The following GRM8 variants were observed in gnomAD, a reference collection of about 807,000 sequenced individuals.
GRM8 encodes glutamate metabotropic receptor 8.
Under a neutral mutation model 87.2 loss-of-function variants are expected in GRM8, and 47 were observed. The ratio of observed to expected loss-of-function variants is 0.54; its 90% CI spans 0.43 to 0.69. GRM8 has a LOEUF of 0.69. GRM8 is among the 30% of genes least tolerant of loss of function. The probability of loss-of-function intolerance (pLI) is 0.00; values close to 1 mark genes in which losing one functional copy is unlikely to be tolerated. For synonymous variants in GRM8, 396 were observed against 404.5 expected, an observed-to-expected ratio of 0.98 and a Z score of 0.25; for missense variants, 1,019 against 1,139.2, an observed-to-expected ratio of 0.89 and a Z score of 1.52.
intron 8 of GRM8, among the ~76,000 whole-genome samples, chr7:126,561,342 G>C (rs146762918): frequency 6.6e-6 from 1 of 151,944 alleles, no homozygotes; most frequent in Non-Finnish European, 1.5e-5. Context: ...GTGGTGGCTC[G>C]TGCCTGTGGT....
rs1180155387 is a variant in GRM8, at chr7:126,998,710, G to GA, written c.728-94028dup. On this transcript the variant is annotated intron_variant, in intron 3 of 10. Coordinates refer to ENST00000339582, the MANE Select transcript of GRM8 (RefSeq NM_000845.3). ...TACAAAGGAATTAACTTAAAGAACT[G>GA]AAAAAAACTCTACAATGAAAATTAT... Among the ~76,000 whole-genome samples, 3 of 151,274 alleles carry GA rather than the reference G, an allele frequency of 2.0e-5. No individual in the cohort carries two copies. In the South Asian group the frequency reaches 6.3e-4, roughly 32 times the overall value.
At chr7:126,596,232 A>G (rs1034572173) in intron 8 of GRM8, among the ~76,000 whole-genome samples, 5 of 152,196 alleles carry the variant, frequency 3.3e-5, no homozygotes, top group African/African-American at 1.2e-4. Context: ...GAAATCTCCA[A>G]ACTGATTTCC....
intron 7 of GRM8, among the ~76,000 whole-genome samples, chr7:126,657,576 C>G (rs1804665257): frequency 6.6e-6 from 1 of 152,216 alleles, no homozygotes; most frequent in African/African-American, 2.4e-5. Flanking sequence ...TATAATAGTT[C>G]CAAGCTTCTA....
chr7:127,111,916 T>A (rs1826381491), intron 2 of GRM8, among the ~76,000 whole-genome samples: 1 of 151,838 alleles, frequency 6.6e-6, no homozygotes, highest in African/African-American at 2.4e-5. Context: ...TAATCCCAGC[T>A]ACTCAGGAGG....
At chr7:127,009,280 A>G (rs1814638710) in intron 3 of GRM8, among the ~76,000 whole-genome samples, 1 of 152,172 alleles carries the variant, frequency 6.6e-6, no homozygotes, top group Non-Finnish European at 1.5e-5. Context: ...TAAAGAATAA[A>G]GTATTTTAAA....
intron 7 of GRM8, among the ~76,000 whole-genome samples, chr7:126,647,324 TAGATAGATAGATAGATAGATATAG>T (rs1803243303): frequency 1.8e-5 from 1 of 56,468 alleles, no homozygotes; most frequent in African/African-American, 4.2e-5. Flanking sequence ...GATAGATAGA[TAGATAGATAGATAGATAGATATAG>T]ATATAGATAG....
chr7:126,884,987 G>T (rs566400436), intron 6 of GRM8, among the ~76,000 whole-genome samples: 23 of 152,300 alleles, frequency 1.5e-4, no homozygotes, highest in Admixed American at 1.4e-3. Context: ...GGAAGTATTT[G>T]TAAGGATAGT....
chr7:127,015,429 A>G (rs902682515), intron 3 of GRM8, among the ~76,000 whole-genome samples: 1 of 152,088 alleles, frequency 6.6e-6, no homozygotes. Flanking sequence ...TTTCTTTGGG[A>G]AAACGGAGGT....
intron 2 of GRM8, among the ~76,000 whole-genome samples, chr7:127,228,211 T>C (rs1272464967): frequency 6.6e-6 from 1 of 152,212 alleles, no homozygotes; most frequent in Non-Finnish European, 1.5e-5. Flanking sequence ...TTACTTTCCA[T>C]GTAACCTTAG....
intron 2 of GRM8, among the ~76,000 whole-genome samples, chr7:127,206,294 G>A (rs956694736): frequency 5.3e-5 from 8 of 152,040 alleles, no homozygotes; most frequent in South Asian, 2.1e-4. Flanking sequence ...GCCCAAATGC[G>A]GTGAAGACCT....
At chr7:126,568,173 T>C (rs778612551) in intron 8 of GRM8, among the ~76,000 whole-genome samples, 1 of 152,132 alleles carries the variant, frequency 6.6e-6, no homozygotes, top group African/African-American at 2.4e-5. Context: ...ACAGAGATAA[T>C]GAGGCAAAGA....
At chr7:126,645,082 C>T (rs1287763654) in intron 7 of GRM8, among the ~76,000 whole-genome samples, 6 of 152,186 alleles carry the variant, frequency 3.9e-5, no homozygotes, top group South Asian at 4.1e-4. Flanking sequence ...AAAGCTAGGA[C>T]GATACTAGTC....
At chr7:126,722,441 T>C (rs1042939071) in intron 7 of GRM8, among the ~76,000 whole-genome samples, 1 of 152,202 alleles carries the variant, frequency 6.6e-6, no homozygotes, top group African/African-American at 2.4e-5. Context: ...ATGAATGTCA[T>C]AGCCTTTTAG....
intron 3 of GRM8, among the ~76,000 whole-genome samples, chr7:127,097,233 G>T (rs1436183232): frequency 6.6e-6 from 1 of 152,166 alleles, no homozygotes; most frequent in Non-Finnish European, 1.5e-5. Flanking sequence ...CCCCAAACTT[G>T]TCCTCAAATC....
intron 2 of GRM8, among the ~76,000 whole-genome samples, chr7:127,127,916 C>G (rs1446663177): frequency 6.6e-6 from 1 of 152,034 alleles, no homozygotes; most frequent in Non-Finnish European, 1.5e-5. Flanking sequence ...CCATATCCTT[C>G]AACACTCATG....
chr7:126,573,733 G>A (rs1002502155), intron 8 of GRM8, among the ~76,000 whole-genome samples: 7 of 151,916 alleles, frequency 4.6e-5, no homozygotes, highest in Non-Finnish European at 7.4e-5. Context: ...TACAGGGAGT[G>A]TGCCACCATG....
At chr7:126,769,799 T>C (rs913359694) in intron 7 of GRM8, 66 bp downstream of exon 7, 6 of 1,016,314 alleles carry the variant, frequency 5.9e-6, no homozygotes, top group Non-Finnish European at 3.1e-6. Flanking sequence ...GTATCTTCTA[T>C]ATATAGGAGG....
In GRM8 at chr7:127,243,952, A is replaced by G. The variant is rs117428081; in HGVS notation, c.-311-437T>C. 5.3e-3 allele frequency among the ~76,000 whole-genome samples: 809 copies of G among 151,930 alleles called. 7 individuals carry two copies. The highest frequency in any genetic ancestry group is 6.4e-3 in the Non-Finnish European group (432 of 67,986). ...GTATTCAACAAGCCAGTCATCTGTT[A>G]ATGACTTTTTTTTTAGTGCCTCAAA... On this transcript the variant is annotated intron_variant, in intron 1 of 10. Transcript: ENST00000339582.
At chr7:126,687,868 C>A (rs1024101001) in intron 7 of GRM8, among the ~76,000 whole-genome samples, 1 of 151,856 alleles carries the variant, frequency 6.6e-6, no homozygotes, top group African/African-American at 2.4e-5. Context: ...TATTACTGGA[C>A]CTAACTTGCA....
Sources: gnomAD v4.1 joint callset for allele counts (sites outside exome capture counted in the v4.1 genomes callset) on GRCh38, gnomAD v4.1.1 for gene constraint, MANE v1.5 for transcripts, NCBI Gene and HGNC (gene_info 2026-07-23, HGNC 2026-07-21) for gene names.